The following CTCFL variants were observed in gnomAD, a reference collection of about 807,000 sequenced individuals.
CTCFL encodes the protein transcriptional repressor CTCFL.
CTCFL carries 36 observed loss-of-function variants against 67.4 expected under a neutral mutation model. That is an observed-to-expected ratio of 0.53 (90% CI 0.41 to 0.71). CTCFL has a LOEUF of 0.71. Among genes scored for constraint, CTCFL ranks in the 30% least tolerant of loss-of-function variants. The pLI, the probability that CTCFL is intolerant of heterozygous loss-of-function variation, is 0.00. For synonymous variants in CTCFL, 324 were observed against 302.3 expected (o/e 1.07, Z -0.75); for missense variants, 786 against 835.2 (o/e 0.94, Z 0.73).
intron 7 of CTCFL, chr20:57,513,481 T>C (rs960306372): frequency 6.0e-6 from 6 of 996,804 alleles, no homozygotes; most frequent in Non-Finnish European, 7.2e-6. Flanking sequence ...GAAGGAAGAA[T>C]TAATGTGTTT....
rs1225522404 is a variant in CTCFL, at chr20:57,512,715, T to C, written c.1368A>G (p.Ala456=). The change falls in exon 8 of 11, where the codon GCA becomes GCG. Residue 456 remains alanine (A), a synonymous_variant. Transcript: ENST00000243914. ...HMRNLHAYSA[A]ELKCRYCSAV... is the part of the protein sequence containing the mutation. ...CAGAACAGTAGCGGCATTTCAGCTC[T>C]GCAGCGCTGTAAGCATGCAAGTTGC... 5 of 1,614,138 alleles carry C rather than the reference T, an allele frequency of 3.1e-6. No individual in the cohort carries two copies. The African/African-American group carries it at 6.7e-5, about 22-fold the overall frequency.
intron 3 of CTCFL, among the ~76,000 whole-genome samples, chr20:57,519,672 T>C (rs1012824625): frequency 6.6e-6 from 1 of 152,154 alleles, no homozygotes; most frequent in Non-Finnish European, 1.5e-5. Context: ...TGCCTGAACA[T>C]TTCAGAATGT....
In CTCFL at chr20:57,502,589, A is replaced by G. The variant is rs1568850223; in HGVS notation, c.1840+847T>C. On this transcript the variant is annotated intron_variant, in intron 10 of 10. Coordinates refer to ENST00000243914, the MANE Select transcript of CTCFL (RefSeq NM_001386993.1). ...GTAAAAGTCTGGACAGTTTCCAGTC[A>G]TCTACGGTTCTAAGGTTCTCAGAGG... Among the ~76,000 whole-genome samples, 7 of 152,322 alleles carry G rather than the reference A, an allele frequency of 4.6e-5. No individual in the cohort carries two copies. The South Asian group carries it at 1.2e-3, about 27-fold the overall frequency.
Position 57,498,470 on chromosome 20 carries a change from A to C in CTCFL, c.*80T>G. The C allele has an allele frequency of 6.5e-7, 1 of 1,535,236 alleles. No individual in the cohort carries two copies. Among genetic ancestry groups the C allele is most frequent in the South Asian group, 1.3e-5 (1 of 77,214 alleles). On this transcript the variant is annotated 3_prime_UTR_variant, in exon 11 of 11. Coordinates refer to ENST00000243914, the MANE Select transcript of CTCFL (RefSeq NM_001386993.1). ...CTCTCACTTATCCATCGTGTTGAGGAGCATTTCACACCTTAAATGCTAAAA... is the reference window on the plus strand; with the variant it reads ...CTCTCACTTATCCATCGTGTTGAGGCGCATTTCACACCTTAAATGCTAAAA...
intron 3 of CTCFL, among the ~76,000 whole-genome samples, chr20:57,520,676 A>G (rs1017646235): frequency 6.6e-6 from 1 of 152,258 alleles, no homozygotes; most frequent in African/African-American, 2.4e-5. Flanking sequence ...AAACAACAAC[A>G]CAAGATCATC....
chr20:57,515,552 A>C, intron 6 of CTCFL, 162 bp downstream of exon 6: 1 of 815,490 alleles, frequency 1.2e-6, no homozygotes, highest in Admixed American at 2.2e-5. Flanking sequence ...TCTTACTGCT[A>C]AATAAAGGTA....
intron 8 of CTCFL, among the ~76,000 whole-genome samples, chr20:57,510,115 C>T (rs562628080): frequency 1.4e-4 from 21 of 152,298 alleles, no homozygotes; most frequent in African/African-American, 4.8e-4. Flanking sequence ...AGTTTACAGC[C>T]CACACTTCAA....
intron 10 of CTCFL, 147 bp downstream of exon 10, chr20:57,503,289 G>C: frequency 1.1e-6 from 1 of 883,768 alleles, no homozygotes; most frequent in South Asian, 1.6e-5. Flanking sequence ...CATTCTGAGA[G>C]ATCTGGCACA....
Position 57,503,497 on chromosome 20 carries a change from C to G in CTCFL, c.1779G>C (p.Lys593Asn). Residue 593 changes from lysine (K) to asparagine (N), a missense_variant, in exon 10 of 11, where the codon AAG (lysine) becomes AAC (asparagine). By Grantham distance (94) the Lys-to-Asn change is moderately conservative. Transcript: ENST00000243914. ...RTRKRKQTIL[K>N]EATKGQKEAA... ...CTTCCTTCTGACCCTTTGTGGCTTC[C>G]TTCAGGATGGTCTGCTTCCTCTTTC... 6.2e-7 allele frequency: 1 copy of G among 1,614,240 alleles called. No homozygotes were observed.
chr20:57,515,075 G>C (rs2146385207), intron 6 of CTCFL: 1 of 266,350 alleles, frequency 3.8e-6, no homozygotes, highest in Middle Eastern at 8.9e-4. Flanking sequence ...TGTTACAAAA[G>C]CAGCACACTT....
At chr20:57,506,224 C>T (rs2068201334) in intron 9 of CTCFL, among the ~76,000 whole-genome samples, 1 of 152,202 alleles carries the variant, frequency 6.6e-6, no homozygotes, top group Admixed American at 6.5e-5. Flanking sequence ...ATTTGCGTTG[C>T]CCTGGTGATT....
intron 8 of CTCFL, among the ~76,000 whole-genome samples, chr20:57,509,581 TAGAC>T (rs771641705): frequency 6.6e-6 from 1 of 152,132 alleles, no homozygotes; most frequent in African/African-American, 2.4e-5. Flanking sequence ...GATTTTATCT[TAGAC>T]AGGAGAAAAT....
intron 9 of CTCFL, among the ~76,000 whole-genome samples, chr20:57,505,210 A>AT (rs200154083): frequency 1.3e-4 from 19 of 151,228 alleles, no homozygotes; most frequent in African/African-American, 2.9e-4. Flanking sequence ...TGCTTTAAGT[A>AT]TTTTTTTTTA....
At chr20:57,507,345 C>A in intron 9 of CTCFL, 2 of 525,624 alleles carry the variant, frequency 3.8e-6, no homozygotes, top group Admixed American at 6.3e-5. Flanking sequence ...GCGTGCACTA[C>A]CACGCCTAGC....
downstream of CTCFL, chr20:57,497,070 C>A: frequency 2.0e-5 from 4 of 195,318 alleles, no homozygotes; most frequent in Non-Finnish European, 3.6e-5. Context: ...CACCATTTAA[C>A]ATTCCCACCA....
intron 2 of CTCFL, 76 bp downstream of exon 2, chr20:57,523,587 G>A: frequency 6.5e-7 from 1 of 1,535,082 alleles, no homozygotes; most frequent in Middle Eastern, 1.8e-4. Context: ...ACCTTGTCCA[G>A]ACATAATATT....
chr20:57,497,428 C>A lies in CTCFL; in HGVS notation c.*1122G>T. The A allele has an allele frequency of 1.0e-6, 1 of 985,356 alleles. No homozygotes were observed. The highest frequency in any genetic ancestry group is 1.2e-6 in the Non-Finnish European group (1 of 829,920). The allele number at this position is 985,356 out of a possible 1,614,324, so 61.0% of individuals were successfully genotyped here. ...GATATTTTCAATAAAAGGTCCATAT[C>A]TTAAGAATTTGAATTTAGGGCTTAT... On this transcript the variant is annotated 3_prime_UTR_variant, in exon 11 of 11. Transcript: ENST00000243914.
Position 57,514,727 on chromosome 20 carries a change from C to G in CTCFL, c.1195G>C (p.Glu399Gln), listed in dbSNP as rs887646766. ...AAGCGGGTGTGGCAGATGTGGCATT[C>G]GTAAGGCTTCTCACCTGAGATGCAG... is the stretch of plus-strand genomic sequence containing the variant. Reference protein sequence around the residue: ...MRTHSGEKPYECHICHTRFTQ... With the variant: ...MRTHSGEKPYQCHICHTRFTQ... The change falls in exon 7 of 11, where the codon GAA becomes CAA. Residue 399 changes from glutamate (E) to glutamine (Q), a missense_variant. Around this residue, in one of 3 missense-constraint regions of CTCFL, gnomAD observed 254 missense variants for 333.9 expected, o/e 0.76. Transcript: ENST00000243914. The G allele has an allele frequency of 6.2e-7, 1 of 1,613,894 alleles. No homozygotes were observed. Among genetic ancestry groups the G allele is most frequent in the Admixed American group, 1.7e-5 (1 of 60,000 alleles).
chr20:57,501,761 T>C (rs1197125021), intron 10 of CTCFL, among the ~76,000 whole-genome samples: 2 of 152,102 alleles, frequency 1.3e-5, no homozygotes, highest in Admixed American at 1.3e-4. Context: ...CATCTGCTGG[T>C]GCAGAGTCAG....
Sources: allele counts gnomAD v4.1 joint callset (sites outside exome capture counted in the v4.1 genomes callset), GRCh38; gene constraint gnomAD v4.1.1; regional missense constraint gnomAD v4.1.1; transcripts MANE v1.5; gene names NCBI Gene and HGNC (gene_info 2026-07-23, HGNC 2026-07-21).